Variants in DLG1 observed in about 807,000 individuals in gnomAD.
The protein encoded by DLG1 is disks large homolog 1.
In DLG1, 42 loss-of-function variants were observed where a neutral mutation model predicts 123.4. The ratio of observed to expected loss-of-function variants is 0.34; its 90% CI spans 0.27 to 0.44. The LOEUF (loss-of-function observed/expected upper bound fraction) is 0.44, where lower values mean the gene tolerates loss of function less well. DLG1 is among the 20% of genes least tolerant of loss of function. The probability of loss-of-function intolerance (pLI) is 1.00; values close to 1 mark genes in which losing one functional copy is unlikely to be tolerated. For synonymous variants in DLG1, 317 were observed against 356.2 expected, an observed-to-expected ratio of 0.89 and a Z score of 1.24; for missense variants, 942 against 1,082.6, an observed-to-expected ratio of 0.87 and a Z score of 1.82.
intron 24 of DLG1, among the ~76,000 whole-genome samples, chr3:197,045,570 G>A (rs1003721020): frequency 1.5e-5 from 2 of 136,306 alleles, no homozygotes; most frequent in Admixed American, 7.8e-5. Flanking sequence ...GTGAGACCCT[G>A]TGTATTTAAA....
At chr3:197,142,615 T>C (rs1788590634) in intron 7 of DLG1, 103 bp downstream of exon 7, 3 of 815,658 alleles carry the variant, frequency 3.7e-6, no homozygotes, top group Non-Finnish European at 3.6e-6. Flanking sequence ...ACTTAGAAAA[T>C]ATCATATAGT....
Position 197,058,125 on chromosome 3 carries a change from C to T in DLG1, c.2483+1764G>A, listed in dbSNP as rs184868802. 5.5e-3 allele frequency among the ~76,000 whole-genome samples: 834 copies of T among 152,102 alleles called. 7 individuals carry two copies. The highest frequency in any genetic ancestry group is 6.3e-3 in the Non-Finnish European group (425 of 67,984). ...TCCCAAGTAGCTGAGACCACAGGCG[C>T]ACACCACCATGCCTGGCTATTTCTT... On this transcript the variant is annotated intron_variant, in intron 23 of 24. Coordinates refer to ENST00000667157, the MANE Select transcript of DLG1 (RefSeq NM_001366207.1).
At chr3:197,095,323 A>C (rs778939879) in intron 14 of DLG1, among the ~76,000 whole-genome samples, 1 of 152,072 alleles carries the variant, frequency 6.6e-6, no homozygotes, top group Non-Finnish European at 1.5e-5. Flanking sequence ...AGTCACCAGT[A>C]ATGTTCTTTA....
chr3:197,104,240 A>AT (rs1248279986), intron 14 of DLG1, among the ~76,000 whole-genome samples: 16 of 152,094 alleles, frequency 1.1e-4, no homozygotes, highest in Non-Finnish European at 1.8e-4. Context: ...GGTTTTTATT[A>AT]TTTTTTCAGA....
At chr3:197,249,628 C>T (rs1158233258) in intron 4 of DLG1, among the ~76,000 whole-genome samples, 2 of 152,068 alleles carry the variant, frequency 1.3e-5, no homozygotes, top group Non-Finnish European at 2.9e-5. Context: ...AACTACAGGC[C>T]AATACCACTG....
Position 197,104,887 on chromosome 3 carries a change from A to G in DLG1, c.1546+16T>C, listed in dbSNP as rs1765527276. The stretch of plus-strand genomic sequence containing the variant: ...CTAAAATAAGCAATAACTATAGACA[A>G]TAAGAATGTTATTACCTTCAGGTCG... On this transcript the variant is annotated intron_variant, in intron 14 of 24. Coordinates refer to ENST00000667157, the MANE Select transcript of DLG1 (RefSeq NM_001366207.1). 6.5e-7 allele frequency: 1 copy of G among 1,546,754 alleles called. No individual in the cohort carries two copies. The highest frequency in any genetic ancestry group is 1.4e-5 in the African/African-American group (1 of 73,554).
Position 197,081,110 on chromosome 3 carries a change from T to C in DLG1, c.1846A>G (p.Lys616Glu). The C allele has an allele frequency of 6.2e-7, 1 of 1,612,950 alleles. No homozygotes were observed. Among genetic ancestry groups the C allele is most frequent in the Non-Finnish European group, 8.5e-7 (1 of 1,179,398 alleles). Residue 616 changes from lysine to glutamate, a missense_variant, in exon 17 of 25, where the codon AAG (lysine) becomes GAG (glutamate). Coordinates refer to ENST00000667157, the MANE Select transcript of DLG1 (RefSeq NM_001366207.1). ...GVIPSKRRVE[K>E]KERARLKTVK... ...GTTTTTAATCGGGCTCGTTCTTTCT[T>C]CTCAACTCTGTCAAAGTATAGAATG...
chr3:197,052,174 G>A (rs903475585), intron 23 of DLG1, among the ~76,000 whole-genome samples: 2 of 152,152 alleles, frequency 1.3e-5, no homozygotes, highest in East Asian at 1.9e-4. Flanking sequence ...AAAATAATAG[G>A]CTGGACATGG....
Position 197,043,075 on chromosome 3 carries a change from C to T in DLG1, c.*1548G>A, listed in dbSNP as rs1052962412. The T allele has an allele frequency of 6.6e-6, 1 of 152,122 alleles. No homozygotes were observed. Among genetic ancestry groups the T allele is most frequent in the Non-Finnish European group, 1.5e-5 (1 of 68,032 alleles). 9.4% of individuals were successfully genotyped at this position (152,122 alleles called of 1,614,324 possible). On this transcript the variant is annotated 3_prime_UTR_variant, in exon 25 of 25. Coordinates refer to ENST00000667157, the MANE Select transcript of DLG1 (RefSeq NM_001366207.1). ...ATATTTAATAAACAACTCCAAAGAGCAATGGGAAGCCAAATATTATTATTA... is the reference window on the plus strand; with the variant it reads ...ATATTTAATAAACAACTCCAAAGAGTAATGGGAAGCCAAATATTATTATTA...
At chr3:197,106,488 A>G (rs1258108980) in intron 13 of DLG1, among the ~76,000 whole-genome samples, 2 of 150,578 alleles carry the variant, frequency 1.3e-5, no homozygotes, top group Non-Finnish European at 2.9e-5. Flanking sequence ...CAATGTGGTT[A>G]TTAGTATCTC....
intron 13 of DLG1, among the ~76,000 whole-genome samples, chr3:197,112,179 G>A (rs978901054): frequency 6.6e-6 from 1 of 152,128 alleles, no homozygotes; most frequent in Non-Finnish European, 1.5e-5. Context: ...TCAACTAAGT[G>A]GGATATAGTA....
At position 197,081,665 on chromosome 3, in the gene DLG1, A is replaced by C. The variant is rs1259991080; in HGVS notation, c.1839-548T>G. On this transcript the variant is annotated intron_variant, in intron 16 of 24. Coordinates refer to ENST00000667157, the MANE Select transcript of DLG1 (RefSeq NM_001366207.1). ...ATGATATATGTGTGTGTGTGTGTAA[A>C]TATATAAATAACCAGTTACAGTTAT... Among the ~76,000 whole-genome samples, 7 of 149,092 alleles carry C rather than the reference A, an allele frequency of 4.7e-5. No homozygotes were observed. The East Asian group carries it at 1.2e-3, about 26-fold the overall frequency.
chr3:197,192,661 G>A (rs1720251564), intron 5 of DLG1, among the ~76,000 whole-genome samples: 1 of 151,944 alleles, frequency 6.6e-6, no homozygotes, highest in Non-Finnish European at 1.5e-5. Context: ...TATCCTACAT[G>A]TAACTTATAT....
chr3:197,107,760 C>A lies in DLG1; in HGVS notation c.1444-2755G>T, dbSNP rs1023946379. Among the ~76,000 whole-genome samples the A allele has an allele frequency of 2.7e-5, 4 of 150,792 alleles. No homozygotes were observed. The East Asian group carries it at 7.8e-4, about 29-fold the overall frequency. On this transcript the variant is annotated intron_variant, in intron 13 of 24. Transcript: ENST00000667157. Reference sequence around the variant, plus strand: ...AGATTTTTTCTATACAAGATTATGTCATCTGCAAACAGAAATAGTTTTCTT... The same window carrying A: ...AGATTTTTTCTATACAAGATTATGTAATCTGCAAACAGAAATAGTTTTCTT...
At chr3:197,215,346 A>G (rs1357537599) in intron 4 of DLG1, among the ~76,000 whole-genome samples, 2 of 152,234 alleles carry the variant, frequency 1.3e-5, no homozygotes, top group Non-Finnish European at 2.9e-5. Context: ...TCCATTAGAA[A>G]AAATGAAATG....
rs1256197795 is a variant in DLG1 at position 197,225,134 on chromosome 3, CT to C, written c.319-30546del. Among the ~76,000 whole-genome samples the C allele has an allele frequency of 4.6e-5, 7 of 152,170 alleles. No individual in the cohort carries two copies. In the East Asian group the frequency reaches 1.2e-3, roughly 25 times the overall value. ...ACCGCACCCAGCTAATTTTTTTGTA[CT>C]TTTTAGTAGAGACGGGGTTTCACCG... On this transcript the variant is annotated intron_variant, in intron 4 of 24. Coordinates refer to ENST00000667157, the MANE Select transcript of DLG1 (RefSeq NM_001366207.1).
At chr3:197,144,455 T>C (rs762500045) in intron 6 of DLG1, among the ~76,000 whole-genome samples, 7 of 152,132 alleles carry the variant, frequency 4.6e-5, no homozygotes, top group Non-Finnish European at 7.4e-5. Context: ...CCTTGTCAAG[T>C]GCCCTAACCC....
chr3:197,297,954 T>G, intron 1 of DLG1: 1 of 978,482 alleles, frequency 1.0e-6, no homozygotes, highest in Non-Finnish European at 1.2e-6. Flanking sequence ...GGAGCTCCCC[T>G]GGGCCGCCGC....
At chr3:197,047,710 A>G (rs1724326767) in intron 24 of DLG1, among the ~76,000 whole-genome samples, 1 of 152,176 alleles carries the variant, frequency 6.6e-6, no homozygotes, top group African/African-American at 2.4e-5. Flanking sequence ...ATGGTGCTGG[A>G]AAATCTGGAT....
Sources: allele counts gnomAD v4.1 joint callset (sites outside exome capture counted in the v4.1 genomes callset), GRCh38; gene constraint gnomAD v4.1.1; transcripts MANE v1.5; gene names NCBI Gene and HGNC (gene_info 2026-07-23, HGNC 2026-07-21).